PCM1: variants seen among roughly 807,000 people sequenced by gnomAD.
PCM1 encodes pericentriolar material 1.
PCM1 carries 157 observed loss-of-function variants against 241.9 expected under a neutral mutation model. That is an observed-to-expected ratio of 0.65 (90% confidence interval 0.57 to 0.74). PCM1 has a LOEUF of 0.74. PCM1 is among the 30% of genes least tolerant of loss of function. The pLI, the probability that PCM1 is intolerant of heterozygous loss-of-function variation, is 0.00. For missense variants in PCM1, 3,478 were observed against 2,360.1 expected, an observed-to-expected ratio of 1.47 and a Z score of -9.81; for synonymous variants, 1,085 against 784.9, an observed-to-expected ratio of 1.38 and a Z score of -6.39.
chr8:17,924,178 T>G (rs1204845286), intron 1 of PCM1, among the ~76,000 whole-genome samples: 1 of 151,970 alleles, frequency 6.6e-6, no homozygotes, highest in Non-Finnish European at 1.5e-5. Flanking sequence ...TTGCAGAGCC[T>G]CGGGTGCACC....
intron 30 of PCM1, 36 bp from the exon 31 acceptor site, chr8:18,009,511 C>T (rs1208245505): frequency 7.4e-7 from 1 of 1,346,176 alleles, no homozygotes; most frequent in Non-Finnish European, 1.0e-6. Flanking sequence ...TTGAAGTTTA[C>T]TGTCTTTAAA....
In PCM1 at chr8:17,985,508, T is replaced by C. The variant is rs2082299361; in HGVS notation, c.4170T>C (p.Ala1390=). The C allele has an allele frequency of 6.3e-7, 1 of 1,576,040 alleles. No homozygotes were observed. Among genetic ancestry groups the C allele is most frequent in the African/African-American group, 1.3e-5 (1 of 74,542 alleles). The change falls in exon 25 of 39, where the codon GCT becomes GCC. Residue 1390 remains alanine (A), a synonymous_variant. Coordinates refer to ENST00000325083, the MANE Select transcript of PCM1 (RefSeq NM_006197.4). ...GAGATACTATTTATTCTGAAGTAGC[T>C]ACATTAATTTCTCAAAATGAATCTC... ...ALRDTIYSEV[A]TLISQNESRP... is the part of the protein sequence containing the mutation.
chr8:17,960,655 G>C (rs1273340049), intron 15 of PCM1, among the ~76,000 whole-genome samples: 9 of 151,008 alleles, frequency 6.0e-5, no homozygotes, highest in Non-Finnish European at 1.3e-4. Context: ...CTCCTGAGTA[G>C]CTGGGACTTC....
rs530841407 is a variant in PCM1, at chr8:18,010,603, T to G, written c.5161-6T>G. ...CTAAATTCTGTGTAATTGATTTGTTTTAAAGGCTAAAAGGATTCTTGAAGA... is the reference window on the plus strand; with the variant it reads ...CTAAATTCTGTGTAATTGATTTGTTGTAAAGGCTAAAAGGATTCTTGAAGA... On this transcript the variant is annotated splice_region_variant and splice_polypyrimidine_tract_variant and intron_variant, in intron 31 of 38. Coordinates refer to ENST00000325083, the MANE Select transcript of PCM1 (RefSeq NM_006197.4). 1.3e-6 allele frequency: 2 copies of G among 1,590,292 alleles called. No individual in the cohort carries two copies. Among genetic ancestry groups the G allele is most frequent in the South Asian group, 2.3e-5 (2 of 87,806 alleles).
rs185922216 is a variant in PCM1 at position 17,991,424 on chromosome 8, C to A, written c.4532-118C>A. 3.4e-4 allele frequency: 252 copies of A among 743,788 alleles called. 1 individual carries two copies. The highest frequency in any genetic ancestry group is 3.1e-3 in the African/African-American group (176 of 56,596). 46.1% of individuals were successfully genotyped at this position (743,788 alleles called of 1,614,324 possible). On this transcript the variant is annotated intron_variant, in intron 27 of 38. Coordinates refer to ENST00000325083, the MANE Select transcript of PCM1 (RefSeq NM_006197.4). ...TGCTCAAGTAGTATAGTGTGTAGAA[C>A]TTGTTAAAGCTAATTTTCCTCCCTT...
Position 18,014,706 on chromosome 8 carries a change from C to T in PCM1, c.5707C>T (p.Pro1903Ser), listed in dbSNP as rs201237416. 66 of 1,613,280 alleles carry T rather than the reference C, an allele frequency of 4.1e-5. No individual in the cohort carries two copies. Among genetic ancestry groups the T allele is most frequent in the Middle Eastern group, 3.3e-4 (2 of 6,084 alleles). The change falls in exon 36 of 39, where the codon CCT becomes TCT. Residue 1903 changes from proline (P) to serine (S), a missense_variant. Transcript: ENST00000325083. ...PTVDSTQQPN[P>S]LPLRLPEMEP... is the part of the protein sequence containing the mutation. The stretch of plus-strand genomic sequence containing the variant: ...TGTTGATTCAACTCAACAGCCTAAC[C>T]CTTTGCCGTTACGTTTACCTGAAAT...
intron 34 of PCM1, chr8:18,013,730 C>T (rs746542652): frequency 1.8e-4 from 75 of 418,984 alleles, no homozygotes; most frequent in Middle Eastern, 1.2e-3. Flanking sequence ...GCAGTCTGTT[C>T]GTTCCAGTTG....
intron 24 of PCM1, chr8:17,983,323 T>G (rs1418824521): frequency 7.8e-7 from 1 of 1,288,534 alleles, no homozygotes; most frequent in East Asian, 4.2e-5. Flanking sequence ...GTCCACTTTT[T>G]GTTAATTTTT....
chr8:17,994,701 T>G (rs149328682), intron 29 of PCM1, among the ~76,000 whole-genome samples: 10 of 152,138 alleles, frequency 6.6e-5, no homozygotes, highest in African/African-American at 2.4e-4. Context: ...CGCCAGCATT[T>G]ATTATTGCCT....
At chr8:18,018,861 T>TATACATATACATATACATATAC (rs1564427039) in intron 36 of PCM1, among the ~76,000 whole-genome samples, 1 of 58,560 alleles carries the variant, frequency 1.7e-5, no homozygotes, top group African/African-American at 6.3e-5. Context: ...TGTATATATA[T>TATACATATACATATACATATAC]ATATATATAT....
intron 2 of PCM1, chr8:17,927,150 A>G (rs1362227142): frequency 7.3e-6 from 1 of 137,850 alleles, no homozygotes; most frequent in Non-Finnish European, 1.6e-5. Context: ...TTTTGGAGAC[A>G]GAGTCTTGCT....
chr8:17,972,106 C>T (rs972067464), intron 22 of PCM1, among the ~76,000 whole-genome samples: 2 of 152,144 alleles, frequency 1.3e-5, no homozygotes, highest in Non-Finnish European at 2.9e-5. Context: ...GAACTTTTGC[C>T]AGTAAAAGTG....
chr8:17,938,649 A>T, intron 4 of PCM1, 91 bp from the exon 5 acceptor site: 1 of 851,464 alleles, frequency 1.2e-6, no homozygotes, highest in Non-Finnish European at 1.9e-6. Flanking sequence ...CTGAATCAAT[A>T]TCTGATGGCG....
chr8:17,974,857 GCACACACACACACACACACACA>G (rs60355433), intron 23 of PCM1, among the ~76,000 whole-genome samples: 1 of 133,274 alleles, frequency 7.5e-6, no homozygotes, highest in Non-Finnish European at 1.7e-5. Context: ...CCACTTTAAG[GCACACACACACACACACACACA>G]CACACACACA....
chr8:18,008,848 G>T (rs1025003043), intron 30 of PCM1, among the ~76,000 whole-genome samples: 6 of 152,144 alleles, frequency 3.9e-5, no homozygotes, highest in African/African-American at 1.4e-4. Context: ...GTGAGGAAAA[G>T]AGTTAATGTG....
At chr8:17,932,189 C>G (rs968953620) in intron 2 of PCM1, among the ~76,000 whole-genome samples, 2 of 152,100 alleles carry the variant, frequency 1.3e-5, no homozygotes, top group Non-Finnish European at 2.9e-5. Flanking sequence ...TTGATTTTGT[C>G]ATTTGACATT....
chr8:17,953,518 C>T (rs192595185), intron 9 of PCM1, among the ~76,000 whole-genome samples: 281 of 152,004 alleles, frequency 1.8e-3, no homozygotes, highest in African/African-American at 6.4e-3. Context: ...AAAATTTTCC[C>T]TTAAAGAAAA....
intron 2 of PCM1, among the ~76,000 whole-genome samples, chr8:17,932,195 A>G (rs1261475098): frequency 1.3e-5 from 2 of 152,110 alleles, no homozygotes; most frequent in Admixed American, 6.5e-5. Flanking sequence ...TTGTCATTTG[A>G]CATTTAGTGT....
intron 28 of PCM1, 86 bp from the exon 29 acceptor site, chr8:17,993,397 T>G: frequency 1.1e-6 from 1 of 888,426 alleles, no homozygotes; most frequent in Admixed American, 3.6e-5. Context: ...TCATCAAATT[T>G]AATATTTTTC....
Sources: allele counts gnomAD v4.1 joint callset (sites outside exome capture counted in the v4.1 genomes callset), GRCh38; gene constraint gnomAD v4.1.1; transcripts MANE v1.5; gene names NCBI Gene and HGNC (gene_info 2026-07-23, HGNC 2026-07-21).